The following DENND4C variants were observed in gnomAD, a reference collection of about 807,000 sequenced individuals.
The protein encoded by DENND4C is DENN domain containing 4C.
In DENND4C, 108 loss-of-function variants were observed where a neutral mutation model predicts 203.0. The ratio of observed to expected loss-of-function variants is 0.53; its 90% confidence interval spans 0.46 to 0.62. DENND4C has a LOEUF of 0.62. Ranked by LOEUF, DENND4C falls within the 20% of genes least tolerant of loss-of-function variation. The pLI is 0.00. For synonymous variants in DENND4C, 871 were observed against 792.4 expected, an observed-to-expected ratio of 1.10 and a Z score of -1.67; for missense variants, 2,481 against 2,301.2, an observed-to-expected ratio of 1.08 and a Z score of -1.60.
At chr9:19,345,251 A>T (rs1004113345) in intron 22 of DENND4C, among the ~76,000 whole-genome samples, 7 of 152,244 alleles carry the variant, frequency 4.6e-5, no homozygotes, top group African/African-American at 1.7e-4. Flanking sequence ...TGCTATGGCC[A>T]TTAGCATATT....
chr9:19,291,000 ACT>A (rs1836179438), intron 5 of DENND4C, 124 bp downstream of exon 5: 1 of 930,782 alleles, frequency 1.1e-6, no homozygotes, highest in Non-Finnish European at 1.6e-6. Flanking sequence ...TTAAATTTAC[ACT>A]GTCATCCCCA....
At chr9:19,270,957 TA>T (rs1831522940) in intron 1 of DENND4C, among the ~76,000 whole-genome samples, 1 of 152,150 alleles carries the variant, frequency 6.6e-6, no homozygotes, top group South Asian at 2.1e-4. Context: ...GAATTAAAAA[TA>T]AAATGATGCC....
chr9:19,282,994 C>T (rs1178547263), intron 2 of DENND4C, among the ~76,000 whole-genome samples: 1 of 151,982 alleles, frequency 6.6e-6, no homozygotes, highest in East Asian at 1.9e-4. Flanking sequence ...GCTGGAATTA[C>T]AGGCGTGAGC....
rs368577437 is a variant in DENND4C at position 19,346,991 on chromosome 9, A to G, written c.4222A>G (p.Ile1408Val). Residue 1408 changes from isoleucine (I) to valine (V), a missense_variant, in exon 23 of 33, where the codon ATA becomes GTA. Physicochemically the swap from Ile to Val is conservative, Grantham distance 29 (BLOSUM62 3). Transcript: ENST00000434457. ...GGATAATATACTCTCAGGGCCCAAG[A>G]TAGATGTCCTGAAATCTGGTATGAA... Reference protein sequence around the residue: ...KLDNILSGPKIDVLKSGMKQA... With the variant: ...KLDNILSGPKVDVLKSGMKQA... 6.2e-7 allele frequency: 1 copy of G among 1,614,068 alleles called. No homozygotes were observed. The highest frequency in any genetic ancestry group is 1.3e-5 in the African/African-American group (1 of 74,944).
At chr9:19,319,116 C>T (rs979940406) in intron 12 of DENND4C, among the ~76,000 whole-genome samples, 2 of 150,506 alleles carry the variant, frequency 1.3e-5, no homozygotes, top group African/African-American at 2.4e-5. Flanking sequence ...TTGCGGTGAG[C>T]CAAGATCACT....
rs747540369 is a variant in DENND4C at position 19,316,834 on chromosome 9, G to A, written c.1802G>A (p.Arg601Gln). ...ACAGCTGCTGATTCATTGTTTGACC[G>A]ACAGGGTGAGTAGCATTGAAAGTAC... ...KATAADSLFDRQGFLKSRDRA... is the reference protein window; with the variant it reads ...KATAADSLFDQQGFLKSRDRA... Residue 601 changes from arginine to glutamine, a missense_variant, in exon 12 of 33, where the codon CGA becomes CAA. Physicochemically the swap from Arg to Gln is conservative, Grantham distance 43. Around this residue, in one of 3 missense-constraint regions of DENND4C, gnomAD observed 2,289 missense variants for 2,113.3 expected, o/e 1.08. Transcript: ENST00000434457. The A allele has an allele frequency of 4.3e-6, 7 of 1,612,088 alleles. No homozygotes were observed. The highest frequency in any genetic ancestry group is 5.9e-6 in the Non-Finnish European group (7 of 1,179,248).
intron 31 of DENND4C, among the ~76,000 whole-genome samples, chr9:19,370,720 T>C (rs1961991): frequency 0.14 from 20,801 of 152,222 alleles, 1,835 homozygotes; most frequent in African/African-American, 0.24. Flanking sequence ...TATGGAGTTA[T>C]TGTGCTCCTG....
In DENND4C at chr9:19,332,198, A is replaced by T; in HGVS notation, c.2460+14A>T. On this transcript the variant is annotated intron_variant, in intron 17 of 32. Transcript: ENST00000434457. ...CCCTTAGATGAGGCAAGTATAACAAATTGACATTGTTTCTAAGGTAAATTT... is the reference window on the plus strand; with the variant it reads ...CCCTTAGATGAGGCAAGTATAACAATTTGACATTGTTTCTAAGGTAAATTT... The T allele has an allele frequency of 1.1e-5, 17 of 1,609,102 alleles. No homozygotes were observed. Among genetic ancestry groups the T allele is most frequent in the Non-Finnish European group, 1.4e-5 (17 of 1,176,230 alleles).
At chr9:19,297,654 G>T (rs1032438898) in intron 6 of DENND4C, among the ~76,000 whole-genome samples, 2 of 152,154 alleles carry the variant, frequency 1.3e-5, no homozygotes, top group Admixed American at 6.5e-5. Flanking sequence ...AATAGAATGG[G>T]TAGGTGGTTC....
chr9:19,232,653 C>T (rs181483334), intron 1 of DENND4C, among the ~76,000 whole-genome samples: 82 of 152,238 alleles, frequency 5.4e-4, no homozygotes, highest in Non-Finnish European at 1.0e-3. Context: ...AAGAAATTGG[C>T]AGCATAGTTG....
At chr9:19,255,066 C>T (rs565232195) in intron 1 of DENND4C, among the ~76,000 whole-genome samples, 1 of 152,142 alleles carries the variant, frequency 6.6e-6, no homozygotes, top group South Asian at 2.1e-4. Context: ...GTCACTTGAA[C>T]CCCGCTGGGG....
Position 19,252,120 on chromosome 9 carries a change from T to TA in DENND4C, c.-18+21288dup, listed in dbSNP as rs566156578. On this transcript the variant is annotated intron_variant, in intron 1 of 32. Transcript: ENST00000434457. Reference sequence around the variant, plus strand: ...ACAAAGGAAAGGGGTTTATTGGACTTACAGTTCCATGTGGCTGGGGAGGCC... The same window carrying TA: ...ACAAAGGAAAGGGGTTTATTGGACTTAACAGTTCCATGTGGCTGGGGAGGCC... Among the ~76,000 whole-genome samples, 382 of 152,322 alleles carry TA rather than the reference T, an allele frequency of 2.5e-3. 1 individual carries two copies. The highest frequency in any genetic ancestry group is 9.0e-3 in the African/African-American group (375 of 41,576).
chr9:19,240,928 A>T (rs1823531428), intron 1 of DENND4C, among the ~76,000 whole-genome samples: 1 of 152,180 alleles, frequency 6.6e-6, no homozygotes, highest in Non-Finnish European at 1.5e-5. Context: ...ACGCCACTGC[A>T]CTCCAGCCTA....
intron 10 of DENND4C, among the ~76,000 whole-genome samples, chr9:19,315,707 T>G (rs939890030): frequency 6.9e-6 from 1 of 144,322 alleles, no homozygotes; most frequent in Non-Finnish European, 1.5e-5. Flanking sequence ...GGCTTTGGGG[T>G]TTTTTTTTTT....
intron 18 of DENND4C, 99 bp from the exon 19 acceptor site, chr9:19,336,171 G>GTGTATATATA (rs1554638619): frequency 1.1e-6 from 1 of 912,598 alleles, no homozygotes; most frequent in Non-Finnish European, 1.5e-6. Context: ...TTATATTTGT[G>GTGTATATATA]TATATATATA....
chr9:19,276,269 T>C lies in DENND4C; in HGVS notation c.95T>C (p.Leu32Ser), dbSNP rs1379677425. ...CTTTTGGATCAAGAAATAAATCGTTTAGATACTAAGTCAACTGGACCTAAA... is the reference window on the plus strand; with the variant it reads ...CTTTTGGATCAAGAAATAAATCGTTCAGATACTAAGTCAACTGGACCTAAA... Reference protein sequence around the residue: ...STLLDQEINRLDTKSTGPKAP... With the variant: ...STLLDQEINRSDTKSTGPKAP... The change falls in exon 2 of 33, where the codon TTA becomes TCA. Residue 32 changes from leucine (L) to serine (S), a missense_variant. By Grantham distance (145) the Leu-to-Ser change is moderately radical. Coordinates refer to ENST00000434457, the MANE Select transcript of DENND4C (RefSeq NM_001330640.2). 1.6e-6 allele frequency: 2 copies of C among 1,232,008 alleles called. No homozygotes were observed. The highest frequency in any genetic ancestry group is 2.0e-6 in the Non-Finnish European group (2 of 987,930). The allele number at this position is 1,232,008 out of a possible 1,614,324, so 76.3% of individuals were successfully genotyped here. A position where few individuals can be genotyped will look rare whatever the true frequency, so the allele number is the denominator to read the frequency against.
chr9:19,279,049 T>A (rs1219285235), intron 2 of DENND4C, among the ~76,000 whole-genome samples: 1 of 139,684 alleles, frequency 7.2e-6, no homozygotes, highest in East Asian at 2.4e-4. Context: ...GTGTGGTGGC[T>A]TACACTGTAA....
chr9:19,277,491 G>A (rs1246204460), intron 2 of DENND4C, among the ~76,000 whole-genome samples: 1 of 152,102 alleles, frequency 6.6e-6, no homozygotes, highest in Non-Finnish European at 1.5e-5. Context: ...TATAGAAATA[G>A]CTGATTTTTG....
chr9:19,333,868 A>T (rs1686471286), intron 17 of DENND4C, among the ~76,000 whole-genome samples: 1 of 152,176 alleles, frequency 6.6e-6, no homozygotes, highest in Admixed American at 6.5e-5. Flanking sequence ...AAAAATGAAA[A>T]GTCTTTGCTA....
Sources: allele counts gnomAD v4.1 joint callset (sites outside exome capture counted in the v4.1 genomes callset), GRCh38; gene constraint gnomAD v4.1.1; regional missense constraint gnomAD v4.1.1; transcripts MANE v1.5; gene names NCBI Gene and HGNC (gene_info 2026-07-23, HGNC 2026-07-21).